Variants in ASIC2 observed in about 807,000 individuals in gnomAD.
ASIC2 encodes the protein acid-sensing ion channel 2.
Under a neutral mutation model 57.3 loss-of-function variants are expected in ASIC2, and 25 were observed. The ratio of observed to expected loss-of-function variants is 0.44; its 90% CI spans 0.32 to 0.61. ASIC2 has a LOEUF of 0.61. Among genes scored for constraint, ASIC2 ranks in the 20% least tolerant of loss-of-function variants. The pLI, the probability that ASIC2 is intolerant of heterozygous loss-of-function variation, is 0.06. For missense variants in ASIC2, 641 were observed against 738.1 expected, an observed-to-expected ratio of 0.87 and a Z score of 1.52; for synonymous variants, 319 against 307.5, an observed-to-expected ratio of 1.04 and a Z score of -0.39.
intron 1 of ASIC2, among the ~76,000 whole-genome samples, chr17:33,542,172 T>A (rs1423574341): frequency 6.6e-6 from 1 of 152,142 alleles, no homozygotes; most frequent in Non-Finnish European, 1.5e-5. Context: ...TGGTTCCAAG[T>A]CTTTGCTATT....
chr17:33,021,889 C>T (rs1180005694), intron 6 of ASIC2, among the ~76,000 whole-genome samples: 1 of 152,218 alleles, frequency 6.6e-6, no homozygotes. Context: ...TGCTTTGCTC[C>T]TTTGGGCAGG....
intron 1 of ASIC2, among the ~76,000 whole-genome samples, chr17:33,366,509 C>A (rs191789874): frequency 1.1e-3 from 172 of 152,352 alleles, no homozygotes; most frequent in Non-Finnish European, 3.2e-4. Flanking sequence ...CAAAACTCAG[C>A]TCAGCTGTCA....
At chr17:34,117,835 AGAG>A (rs1911473435) in intron 1 of ASIC2, among the ~76,000 whole-genome samples, 1 of 152,186 alleles carries the variant, frequency 6.6e-6, no homozygotes, top group African/African-American at 2.4e-5. Flanking sequence ...GATTGAGAAA[AGAG>A]GAGGAGGAAC....
At chr17:33,548,375 G>A (rs1405802547) in intron 1 of ASIC2, among the ~76,000 whole-genome samples, 1 of 152,282 alleles carries the variant, frequency 6.6e-6, no homozygotes, top group Non-Finnish European at 1.5e-5. Flanking sequence ...CTAAAGATAC[G>A]CTCAGGAGGA....
At chr17:33,522,230 C>T (rs1438387041) in intron 1 of ASIC2, among the ~76,000 whole-genome samples, 5 of 152,200 alleles carry the variant, frequency 3.3e-5, no homozygotes, top group Non-Finnish European at 7.3e-5. Context: ...AACCTCCAGT[C>T]CTATCTGCTC....
At chr17:33,346,096 G>A (rs940265298) in intron 1 of ASIC2, among the ~76,000 whole-genome samples, 9 of 151,822 alleles carry the variant, frequency 5.9e-5, no homozygotes, top group Admixed American at 2.0e-4. Context: ...GCATGGTCGT[G>A]GGCGTCTGTA....
intron 1 of ASIC2, among the ~76,000 whole-genome samples, chr17:33,545,318 G>A (rs1915544163): frequency 6.6e-6 from 1 of 152,148 alleles, no homozygotes; most frequent in Non-Finnish European, 1.5e-5. Flanking sequence ...GTCCACACAT[G>A]TATGGGCTGT....
At chr17:33,233,435 C>G (rs967653733) in intron 1 of ASIC2, among the ~76,000 whole-genome samples, 2 of 151,890 alleles carry the variant, frequency 1.3e-5, no homozygotes, top group Non-Finnish European at 2.9e-5. Context: ...ATTCTACTAT[C>G]TGACACAATT....
chr17:33,613,902 G>A (rs1291483738), intron 1 of ASIC2, among the ~76,000 whole-genome samples: 7 of 152,124 alleles, frequency 4.6e-5, no homozygotes, highest in South Asian at 2.1e-4. Context: ...TTGTTTGTTC[G>A]TTTATTTTTC....
intron 1 of ASIC2, among the ~76,000 whole-genome samples, chr17:33,593,897 C>T (rs914758165): frequency 3.3e-5 from 5 of 152,206 alleles, no homozygotes; most frequent in African/African-American, 1.2e-4. Flanking sequence ...TAGAAAACCC[C>T]ATTCCCTAGG....
intron 1 of ASIC2, among the ~76,000 whole-genome samples, chr17:33,670,640 G>A (rs760362885): frequency 6.6e-6 from 1 of 152,152 alleles, no homozygotes; most frequent in Non-Finnish European, 1.5e-5. Context: ...GCCCCCTGAT[G>A]CCCCCTCTAA....
intron 1 of ASIC2, among the ~76,000 whole-genome samples, chr17:33,483,415 G>C (rs1158380583): frequency 1.3e-5 from 2 of 152,258 alleles, no homozygotes; most frequent in African/African-American, 4.8e-5. Context: ...TCTATCCTCA[G>C]ACAAGGTCAC....
intron 1 of ASIC2, among the ~76,000 whole-genome samples, chr17:33,634,092 T>C (rs1906266602): frequency 1.3e-5 from 2 of 152,048 alleles, no homozygotes; most frequent in African/African-American, 4.8e-5. Flanking sequence ...CCCCCAAGAG[T>C]TGGACTTCCC....
intron 1 of ASIC2, among the ~76,000 whole-genome samples, chr17:33,950,241 A>G (rs1158413063): frequency 2.0e-5 from 3 of 152,198 alleles, no homozygotes; most frequent in African/African-American, 7.2e-5. Context: ...GTTGATTACC[A>G]GGGAGGGCCT....
intron 1 of ASIC2, among the ~76,000 whole-genome samples, chr17:33,126,263 A>G (rs1597590746): frequency 6.6e-6 from 1 of 152,202 alleles, no homozygotes; most frequent in South Asian, 2.1e-4. Flanking sequence ...GCCCAGTTCT[A>G]TGGGGCCTGA....
intron 1 of ASIC2, among the ~76,000 whole-genome samples, chr17:33,695,922 T>C (rs1157028324): frequency 2.6e-5 from 4 of 152,272 alleles, no homozygotes; most frequent in African/African-American, 9.6e-5. Flanking sequence ...TTAAATGTTA[T>C]CATAATGTAC....
At chr17:33,068,623 T>C (rs904710990) in intron 3 of ASIC2, among the ~76,000 whole-genome samples, 7 of 152,238 alleles carry the variant, frequency 4.6e-5, no homozygotes, top group Non-Finnish European at 7.3e-5. Context: ...AAGCCCTAAA[T>C]TGGTAAATAT....
In ASIC2 at chr17:33,066,181, C is replaced by T. The variant is rs2092042740; in HGVS notation, c.987+22682G>A. Among the ~76,000 whole-genome samples, 2 of 152,142 alleles carry T rather than the reference C, an allele frequency of 1.3e-5. 1 individual carries two copies. The highest frequency in any genetic ancestry group is 4.1e-4 in the South Asian group (2 of 4,834). ...GGGGGAAGGCAAGGGCTTCATTGCT[C>T]AGGGGCAGTGAAGAACTTCCAGAAT... On this transcript the variant is annotated intron_variant, in intron 3 of 9. Transcript: ENST00000225823.
intron 1 of ASIC2, among the ~76,000 whole-genome samples, chr17:33,992,187 A>G (rs977598650): frequency 1.3e-5 from 2 of 152,214 alleles, no homozygotes; most frequent in Non-Finnish European, 2.9e-5. Flanking sequence ...TGATGGAATC[A>G]TCTGTATTGC....
Sources: allele counts gnomAD v4.1 joint callset (sites outside exome capture counted in the v4.1 genomes callset), GRCh38; gene constraint gnomAD v4.1.1; transcripts MANE v1.5; gene names NCBI Gene and HGNC (gene_info 2026-07-23, HGNC 2026-07-21).